Variants in MAN2B2 observed in about 807,000 individuals in gnomAD.
The protein encoded by MAN2B2 is epididymis-specific alpha-mannosidase.
Under a neutral mutation model 117.1 loss-of-function variants are expected in MAN2B2, and 106 were observed. That is an observed-to-expected ratio of 0.90 (90% CI 0.77 to 1.06). MAN2B2 has a LOEUF of 1.06. Among genes scored for constraint, MAN2B2 ranks in the 50% least tolerant of loss-of-function variants. The pLI is 0.00. For synonymous variants in MAN2B2, 544 were observed against 595.1 expected (o/e 0.91, Z 1.25); for missense variants, 1,326 against 1,381.4 (o/e 0.96, Z 0.64).
chr4:6,608,202 C>T (rs1446374321), intron 11 of MAN2B2, among the ~76,000 whole-genome samples: 2 of 152,146 alleles, frequency 1.3e-5, no homozygotes, highest in Non-Finnish European at 2.9e-5. Context: ...TTTGATGGCC[C>T]CTGGGGGAGC....
rs771373825 is a variant in MAN2B2 at position 6,576,652 on chromosome 4, G to C, written c.213G>C (p.Arg71=). 1.2e-6 allele frequency: 2 copies of C among 1,614,008 alleles called. No individual in the cohort carries two copies. The highest frequency in any genetic ancestry group is 3.3e-4 in the Middle Eastern group (2 of 6,060). The change falls in exon 2 of 19, where the codon CGG becomes CGC. Residue 71 remains arginine, a synonymous_variant. Coordinates refer to ENST00000285599, the MANE Select transcript of MAN2B2 (RefSeq NM_015274.3). ...AGCTGGCCCGCGGCCAGCAGCGCCG[G>C]TTCATCGCTGTGGAGCAGGAGTTTT... is the stretch of plus-strand genomic sequence containing the variant. The part of the protein sequence containing the change: ...VEELARGQQR[R]FIAVEQEFFR...
intron 3 of MAN2B2, among the ~76,000 whole-genome samples, chr4:6,586,312 C>T (rs1726631866): frequency 6.6e-6 from 1 of 152,216 alleles, no homozygotes; most frequent in Non-Finnish European, 1.5e-5. Flanking sequence ...CCTCCCACCT[C>T]AGCCTCCCAA....
At chr4:6,614,104 G>T (rs1577295615) in intron 15 of MAN2B2, 114 bp from the exon 16 acceptor site, 1 of 1,329,382 alleles carries the variant, frequency 7.5e-7, no homozygotes, top group East Asian at 2.4e-5. Flanking sequence ...TACCCACAAG[G>T]ATGCATGGGA....
At chr4:6,579,874 G>A (rs1395434340) in intron 3 of MAN2B2, among the ~76,000 whole-genome samples, 4 of 152,198 alleles carry the variant, frequency 2.6e-5, no homozygotes, top group Non-Finnish European at 5.9e-5. Flanking sequence ...TCCTAATGGC[G>A]GGCTGATGGT....
chr4:6,609,640 G>A (rs1014362128), intron 12 of MAN2B2, 158 bp from the exon 13 acceptor site: 8 of 924,820 alleles, frequency 8.7e-6, no homozygotes, highest in Non-Finnish European at 1.3e-5. Flanking sequence ...GCCGCTCGGG[G>A]TCCTGGGTGG....
rs112553319 is a variant in MAN2B2 at position 6,594,426 on chromosome 4, C to T, written c.859-108C>T. 3.0e-4 allele frequency: 346 copies of T among 1,149,686 alleles called. 2 individuals are homozygous for T. In the African/African-American group the frequency reaches 4.4e-3, roughly 15 times the overall value. 71.2% of individuals were successfully genotyped at this position (1,149,686 alleles called of 1,614,324 possible). ...GAGCTGGTTTGGGGCCCCTGTTGGC[C>T]GCCTTGGAGACTGGGAGGGCAGCTG... On this transcript the variant is annotated intron_variant, in intron 6 of 18. Transcript: ENST00000285599.
intron 15 of MAN2B2, among the ~76,000 whole-genome samples, chr4:6,612,637 A>C (rs1711623303): frequency 6.6e-6 from 1 of 152,212 alleles, no homozygotes; most frequent in Non-Finnish European, 1.5e-5. Context: ...AGAAGAGGAA[A>C]TCTGATTGGC....
chr4:6,578,424 A>T lies in MAN2B2; in HGVS notation c.317A>T (p.Glu106Val). 1.2e-6 allele frequency: 2 copies of T among 1,613,676 alleles called. No homozygotes were observed. The highest frequency in any genetic ancestry group is 1.7e-6 in the Non-Finnish European group (2 of 1,179,848). The change falls in exon 3 of 19, where the codon GAA becomes GTA. Residue 106 changes from glutamate to valine, a missense_variant. Glu to Val is a moderately radical substitution (Grantham distance 121). Transcript: ENST00000285599. ...CAGCTCCTGGAGGAAGGACGCCTGG[A>T]ATTTGTCATCGGAGGCCAGGTCATG... ...VRQLLEEGRL[E>V]FVIGGQVMHD...
chr4:6,591,040 T>TG (rs1274264492), intron 5 of MAN2B2, among the ~76,000 whole-genome samples: 1 of 152,008 alleles, frequency 6.6e-6, no homozygotes, highest in Non-Finnish European at 1.5e-5. Context: ...CTCAGCTACC[T>TG]GGGAGGCTGA....
chr4:6,610,995 G>A lies in MAN2B2; in HGVS notation c.2370+5G>A, dbSNP rs894663424. The A allele has an allele frequency of 1.1e-5, 18 of 1,614,042 alleles. No homozygotes were observed. The highest frequency in any genetic ancestry group is 3.3e-5 in the Admixed American group (2 of 60,004). Reference sequence around the variant, plus strand: ...CAAGGGAATGGGCAGGTGGAGGTAGGAGGCACGGTCTGTCCTACAGCAGCC... The same window carrying A: ...CAAGGGAATGGGCAGGTGGAGGTAGAAGGCACGGTCTGTCCTACAGCAGCC... On this transcript the variant is annotated splice_donor_5th_base_variant and intron_variant, in intron 14 of 18. Coordinates refer to ENST00000285599, the MANE Select transcript of MAN2B2 (RefSeq NM_015274.3).
At chr4:6,589,209 C>G in intron 5 of MAN2B2, 49 bp downstream of exon 5, 3 of 1,354,870 alleles carry the variant, frequency 2.2e-6, no homozygotes, top group Non-Finnish European at 3.2e-6. Flanking sequence ...GCAGGGTCTG[C>G]CCAGCCCCTG....
chr4:6,614,098 C>T, intron 15 of MAN2B2, 120 bp from the exon 16 acceptor site: 1 of 1,300,904 alleles, frequency 7.7e-7, no homozygotes, highest in Non-Finnish European at 1.1e-6. Flanking sequence ...GTAGGCTACC[C>T]ACAAGGATGC....
At position 6,575,341 on chromosome 4, in the gene MAN2B2, C is replaced by A. The variant is rs1400560050; in HGVS notation, c.131C>A (p.Thr44Asn). 1.3e-6 allele frequency: 2 copies of A among 1,579,916 alleles called. No individual in the cohort carries two copies. Among genetic ancestry groups the A allele is most frequent in the African/African-American group, 1.4e-5 (1 of 73,892 alleles). The part of the protein sequence containing the change: ...HSHMDVGWVY[T>N]VQESMRAYAA... ...CACATGGACGTGGGCTGGGTCTACA[C>A]TGTGCAGGTAGGTGCCGACCACGCC... The change falls in exon 1 of 19, where the codon ACT (threonine) becomes AAT (asparagine). Residue 44 changes from threonine (T) to asparagine (N), a missense_variant. Physicochemically the swap from Thr to Asn is moderately conservative, Grantham distance 65 (BLOSUM62 0). Coordinates refer to ENST00000285599, the MANE Select transcript of MAN2B2 (RefSeq NM_015274.3).
In MAN2B2 at chr4:6,602,986, C is replaced by T. The variant is rs907535039; in HGVS notation, c.1540-2069C>T. ...CCACCACACCAGGCCTGTTCACACT[C>T]CTGTTTGCTGGGCCCCCTTGTATGG... is the stretch of plus-strand genomic sequence containing the variant. On this transcript the variant is annotated intron_variant, in intron 10 of 18. Transcript: ENST00000285599. Among the ~76,000 whole-genome samples the T allele has an allele frequency of 2.0e-5, 3 of 152,274 alleles. No homozygotes were observed. In the East Asian group the frequency reaches 5.8e-4, roughly 29 times the overall value.
At chr4:6,604,535 G>T (rs771657392) in intron 10 of MAN2B2, among the ~76,000 whole-genome samples, 2 of 151,858 alleles carry the variant, frequency 1.3e-5, no homozygotes, top group Non-Finnish European at 2.9e-5. Flanking sequence ...TAGGGGTGGA[G>T]AAAGCCGGAC....
intron 13 of MAN2B2, 107 bp downstream of exon 13, chr4:6,610,157 G>GT (rs1230301483): frequency 4.1e-6 from 6 of 1,471,306 alleles, no homozygotes; most frequent in Admixed American, 4.5e-5. Flanking sequence ...CAGTGAGAAT[G>GT]TTTTTTTCCT....
intron 16 of MAN2B2, among the ~76,000 whole-genome samples, chr4:6,617,032 TGAG>T (rs1480517990): frequency 1.3e-5 from 2 of 152,018 alleles, no homozygotes; most frequent in Non-Finnish European, 2.9e-5. Flanking sequence ...AGAAGGCAAA[TGAG>T]GAGCAAAGTC....
rs552675243 is a variant in MAN2B2, at chr4:6,582,415, T to C, written c.391+3917T>C. On this transcript the variant is annotated intron_variant, in intron 3 of 18. Coordinates refer to ENST00000285599, the MANE Select transcript of MAN2B2 (RefSeq NM_015274.3). ...GTGCAGTGGCGCAATCTCGGCTCAC[T>C]GCAATCTCTACCTCGCAGGTTCAAG... is the stretch of plus-strand genomic sequence containing the variant. Among the ~76,000 whole-genome samples, 5 of 152,298 alleles carry C rather than the reference T, an allele frequency of 3.3e-5. No individual in the cohort carries two copies. In the South Asian group the frequency reaches 1.0e-3, roughly 32 times the overall value.
intron 9 of MAN2B2, among the ~76,000 whole-genome samples, chr4:6,599,662 C>CAAAAA (rs34126657): frequency 2.1e-5 from 2 of 93,398 alleles, no homozygotes; most frequent in Non-Finnish European, 4.3e-5. Flanking sequence ...GACTCCGTCT[C>CAAAAA]AAAAAAAAAA....
Sources: allele counts gnomAD v4.1 joint callset (sites outside exome capture counted in the v4.1 genomes callset), GRCh38; gene constraint gnomAD v4.1.1; transcripts MANE v1.5; gene names NCBI Gene and HGNC (gene_info 2026-07-23, HGNC 2026-07-21).